The following UBTD1 variants were observed in gnomAD, a reference collection of about 807,000 sequenced individuals.
UBTD1 encodes ubiquitin domain-containing protein 1.
A neutral mutation model predicts 21.7 loss-of-function variants in UBTD1; 19 were observed. That is an observed-to-expected ratio of 0.87 (90% CI 0.61 to 1.28). The LOEUF is 1.28. Among genes scored for constraint, UBTD1 ranks in the 50% most tolerant of loss-of-function variants. UBTD1 has a pLI of 0.00. For missense variants in UBTD1, 282 were observed against 315.1 expected (o/e 0.89, Z 0.80); for synonymous variants, 116 against 135.1 (o/e 0.86, Z 0.98).
chr10:97,566,672 C>T (rs908832494), intron 1 of UBTD1, among the ~76,000 whole-genome samples: 4 of 152,182 alleles, frequency 2.6e-5, no homozygotes, highest in East Asian at 1.9e-4. Flanking sequence ...TCTTTCTCAG[C>T]GGAGATCGCT....
Position 97,528,694 on chromosome 10 carries a change from G to A in UBTD1, c.70+29421G>A, listed in dbSNP as rs867678133. The stretch of plus-strand genomic sequence containing the variant: ...GGCTGACCCCCCCCACCTCCCTCCC[G>A]GACGGGGCGGCTGGCCGGGCGGGGG... On this transcript the variant is annotated intron_variant, in intron 1 of 2. Transcript: ENST00000370664. 9.5e-4 allele frequency among the ~76,000 whole-genome samples: 44 copies of A among 46,232 alleles called. 1 individual carries two copies. Among genetic ancestry groups the A allele is most frequent in the South Asian group, 3.3e-3 (2 of 602 alleles). The allele number at this position is 46,232 out of a possible 152,430, so 30.3% of individuals were successfully genotyped here.
chr10:97,506,115 C>T (rs375292663), intron 1 of UBTD1, among the ~76,000 whole-genome samples: 1 of 152,176 alleles, frequency 6.6e-6, no homozygotes, highest in East Asian at 1.9e-4. Context: ...AAAAGTGTTA[C>T]CTCCCAAAGA....
intron 1 of UBTD1, among the ~76,000 whole-genome samples, chr10:97,529,738 AGAGAGGGAGAGGGAGACCGTGGG>A (rs2040519078): frequency 1.9e-5 from 1 of 52,992 alleles, no homozygotes; most frequent in Non-Finnish European, 6.1e-5. Flanking sequence ...GACCGTGGAA[AGAGAGGGAGAGGGAGACCGTGGG>A]GAGAGGGAGA....
chr10:97,526,056 C>T (rs1219661277), intron 1 of UBTD1, among the ~76,000 whole-genome samples: 4 of 152,030 alleles, frequency 2.6e-5, no homozygotes, highest in African/African-American at 7.3e-5. Flanking sequence ...CTTCCCTGGC[C>T]CTAGGTCAGC....
chr10:97,570,138 GC>G lies in UBTD1; in HGVS notation c.300del (p.Thr101ProfsTer24). The G allele has an allele frequency of 6.3e-7, 1 of 1,599,720 alleles. No homozygotes were observed. The highest frequency in any genetic ancestry group is 8.5e-7 in the Non-Finnish European group (1 of 1,169,986). ...LDGASITLPHGTLCECYDELG... is the reference protein window; with the variant it reads ...LDGASITLPHXTLCECYDELG... ...TCTGACAGCCCTGCCTCTCCTACAGGCACCCTCTGTGAATGCTACGATGAGC... is the reference window on the plus strand; with the variant it reads ...TCTGACAGCCCTGCCTCTCCTACAGGACCCTCTGTGAATGCTACGATGAGC... On this transcript the variant is annotated frameshift_variant and splice_region_variant, in exon 3 of 3. Coordinates refer to ENST00000370664, the MANE Select transcript of UBTD1 (RefSeq NM_024954.5). LOFTEE classifies it high-confidence loss of function. This position sits in a 1 kb window ranked among gnomAD's most constrained non-coding sequence, Gnocchi z 6.6.
chr10:97,535,968 A>AATTATTATTATTATT (rs760908517), intron 1 of UBTD1, among the ~76,000 whole-genome samples: 402 of 90,166 alleles, frequency 4.5e-3, no homozygotes, highest in South Asian at 6.9e-3. Context: ...GTTGGAGAGA[A>AATTATTATTATTATT]ATTATTATTA....
intron 1 of UBTD1, among the ~76,000 whole-genome samples, chr10:97,516,489 T>G (rs988425955): frequency 1.3e-5 from 2 of 152,086 alleles, no homozygotes; most frequent in African/African-American, 4.8e-5. Context: ...GAAATCCATC[T>G]CCTCGGCCGG....
chr10:97,523,961 G>A (rs577558962), intron 1 of UBTD1, among the ~76,000 whole-genome samples: 1 of 152,310 alleles, frequency 6.6e-6, no homozygotes, highest in Non-Finnish European at 1.5e-5. Flanking sequence ...AGCAGGATGA[G>A]TGTGGGGAGA....
chr10:97,508,795 C>G (rs549506313), intron 1 of UBTD1, among the ~76,000 whole-genome samples: 1 of 152,050 alleles, frequency 6.6e-6, no homozygotes, highest in East Asian at 1.9e-4. Context: ...AATAAATATG[C>G]GTTGAATGTT....
intron 1 of UBTD1, among the ~76,000 whole-genome samples, chr10:97,519,563 G>A (rs180775207): frequency 7.8e-4 from 119 of 152,336 alleles, no homozygotes; most frequent in Admixed American, 3.8e-3. Context: ...TGTCAACTGG[G>A]GAGAGAGAGG....
intron 1 of UBTD1, among the ~76,000 whole-genome samples, chr10:97,502,812 G>T: frequency 9.3e-6 from 1 of 107,376 alleles, no homozygotes; most frequent in African/African-American, 4.7e-5. Context: ...TTTTGTGATT[G>T]TCACTCATAT....
At chr10:97,499,324 C>T (rs1482731613) in intron 1 of UBTD1, 51 bp downstream of exon 1, 2 of 1,533,030 alleles carry the variant, frequency 1.3e-6, no homozygotes, top group East Asian at 2.5e-5. Context: ...AGTTGTCCCC[C>T]TCCTCGCCCG....
intron 1 of UBTD1, among the ~76,000 whole-genome samples, chr10:97,560,814 G>A (rs2040689059): frequency 1.3e-5 from 2 of 151,688 alleles, no homozygotes; most frequent in Admixed American, 1.3e-4. Context: ...AAAACACCAC[G>A]CTTACACCAC....
chr10:97,526,933 A>G (rs1245591358), intron 1 of UBTD1, among the ~76,000 whole-genome samples: 6 of 150,612 alleles, frequency 4.0e-5, no homozygotes, highest in African/African-American at 1.5e-4. Context: ...GCACTTTGGG[A>G]GGCTGAGACG....
intron 1 of UBTD1, among the ~76,000 whole-genome samples, chr10:97,535,211 T>C (rs2040554415): frequency 6.6e-6 from 1 of 152,234 alleles, no homozygotes; most frequent in Non-Finnish European, 1.5e-5. Flanking sequence ...TGGACTGGCC[T>C]GCTACCAGCT....
chr10:97,535,978 A>ATTATTATTATTG lies in UBTD1; in HGVS notation c.71-31925_71-31924insGTTATTATTATT, dbSNP rs200019590. Among the ~76,000 whole-genome samples the ATTATTATTATTG allele has an allele frequency of 8.0e-3, 1,165 of 145,482 alleles. 16 individuals carry two copies. Among genetic ancestry groups the ATTATTATTATTG allele is most frequent in the Middle Eastern group, 0.021 (6 of 280 alleles). On this transcript the variant is annotated intron_variant, in intron 1 of 2. Transcript: ENST00000370664. ...ATGTAGTTGGAGAGAAATTATTATTATTATTATTATTATTATTATTATTAT... is the reference window on the plus strand; with the variant it reads ...ATGTAGTTGGAGAGAAATTATTATTATTATTATTATTGTTATTATTATTATTATTATTATTAT...
intron 1 of UBTD1, among the ~76,000 whole-genome samples, chr10:97,521,542 G>C (rs2040467024): frequency 1.3e-5 from 2 of 152,226 alleles, no homozygotes; most frequent in Admixed American, 1.3e-4. Flanking sequence ...GACTCCAGTG[G>C]GATCTGGCTC....
At chr10:97,527,779 G>A (rs1296893724) in intron 1 of UBTD1, among the ~76,000 whole-genome samples, 2 of 152,094 alleles carry the variant, frequency 1.3e-5, no homozygotes, top group African/African-American at 2.4e-5. Context: ...TAAGGTCATA[G>A]ATCAACAGGA....
At chr10:97,531,551 G>A (rs1022098720) in intron 1 of UBTD1, among the ~76,000 whole-genome samples, 3 of 152,060 alleles carry the variant, frequency 2.0e-5, no homozygotes, top group Non-Finnish European at 2.9e-5. Flanking sequence ...AAGCCCGGCC[G>A]ACATATGTCA....
Sources: gnomAD v4.1 joint callset for allele counts (sites outside exome capture counted in the v4.1 genomes callset) on GRCh38, gnomAD v4.1.1 for gene constraint, Gnocchi (gnomAD v3.1) non-coding constraint, MANE v1.5 for transcripts, NCBI Gene and HGNC (gene_info 2026-07-23, HGNC 2026-07-21) for gene names.